FER1L6: variants seen among roughly 807,000 people sequenced by gnomAD.
The protein encoded by FER1L6 is fer-1 like family member 6.
A neutral mutation model predicts 219.2 loss-of-function variants in FER1L6; 177 were observed. The ratio of observed to expected loss-of-function variants is 0.81; its 90% confidence interval spans 0.71 to 0.91. The LOEUF (loss-of-function observed/expected upper bound fraction) is 0.91. FER1L6 is among the 40% of genes least tolerant of loss of function. FER1L6 has a pLI of 0.00. For synonymous variants in FER1L6, 768 were observed against 824.3 expected, an observed-to-expected ratio of 0.93 and a Z score of 1.17; for missense variants, 2,153 against 2,259.9, an observed-to-expected ratio of 0.95 and a Z score of 0.96.
At chr8:123,976,951 G>A (rs747849664) in intron 9 of FER1L6, among the ~76,000 whole-genome samples, 1 of 152,194 alleles carries the variant, frequency 6.6e-6, no homozygotes, top group Non-Finnish European at 1.5e-5. Context: ...TTAAAATACA[G>A]AACTACCCTG....
rs200383834 is a variant in FER1L6, at chr8:124,091,462, C to T, written c.4431C>T (p.Thr1477=). The T allele has an allele frequency of 1.0e-3, 1,682 of 1,613,996 alleles. 3 individuals carry two copies. Among genetic ancestry groups the T allele is most frequent in the Middle Eastern group, 2.3e-3 (14 of 6,062 alleles). Residue 1477 remains threonine, a synonymous_variant, in exon 34 of 41, where the codon ACC becomes ACT. Coordinates refer to ENST00000522917, the MANE Select transcript of FER1L6 (RefSeq NM_001039112.2). The part of the protein sequence containing the change: ...YNAWRDTSKP[T]EILTKLCKDN... ...CCTGGAGAGACACGTCCAAACCCACCGAAATCCTCACTAAGCTCTGCAAAG... is the reference window on the plus strand; with the variant it reads ...CCTGGAGAGACACGTCCAAACCCACTGAAATCCTCACTAAGCTCTGCAAAG...
intron 1 of FER1L6, among the ~76,000 whole-genome samples, chr8:123,936,129 TGC>T (rs1813989186): frequency 6.6e-6 from 1 of 152,138 alleles, no homozygotes; most frequent in Admixed American, 6.5e-5. Context: ...CTCGGTCAGA[TGC>T]ATGTCCCCTG....
chr8:123,917,526 T>C (rs1813224405), intron 1 of FER1L6, among the ~76,000 whole-genome samples: 1 of 152,220 alleles, frequency 6.6e-6, no homozygotes, highest in Non-Finnish European at 1.5e-5. Flanking sequence ...AACTATTTGT[T>C]GAAAGCCTCC....
chr8:123,970,232 A>C (rs1029552576), intron 6 of FER1L6, 135 bp downstream of exon 6: 1 of 772,918 alleles, frequency 1.3e-6, no homozygotes, highest in Non-Finnish European at 2.3e-6. Flanking sequence ...GAGTCTAACC[A>C]ACAGGCAGAA....
At chr8:124,071,759 C>CTA in intron 31 of FER1L6, 128 bp downstream of exon 31, 1 of 1,217,660 alleles carries the variant, frequency 8.2e-7, no homozygotes, top group Non-Finnish European at 1.1e-6. Flanking sequence ...TGCCATAAGT[C>CTA]TATAATCAAG....
intron 1 of FER1L6, among the ~76,000 whole-genome samples, chr8:123,862,836 C>A (rs1314429339): frequency 7.4e-6 from 1 of 134,324 alleles, no homozygotes; most frequent in African/African-American, 3.2e-5. Context: ...TCCCCTTTAT[C>A]ATTTTTTATT....
chr8:123,899,519 G>C (rs1812821171), intron 1 of FER1L6, among the ~76,000 whole-genome samples: 1 of 152,084 alleles, frequency 6.6e-6, no homozygotes, highest in African/African-American at 2.4e-5. Flanking sequence ...TAATTTATTA[G>C]GTCTCAGCTA....
At chr8:124,081,155 C>T (rs751999331) in intron 32 of FER1L6, among the ~76,000 whole-genome samples, 21 of 152,112 alleles carry the variant, frequency 1.4e-4, no homozygotes, top group Non-Finnish European at 2.2e-4. Flanking sequence ...CCTTCCTCCC[C>T]CTCCTCTTTG....
intron 10 of FER1L6, 92 bp from the exon 11 acceptor site, chr8:123,980,373 C>A: frequency 9.5e-7 from 1 of 1,056,396 alleles, no homozygotes; most frequent in South Asian, 1.6e-5. Context: ...TTTCTTTCGT[C>A]TTTCTTGGAT....
chr8:123,915,909 A>G (rs1337743938), intron 1 of FER1L6, among the ~76,000 whole-genome samples: 2 of 152,206 alleles, frequency 1.3e-5, no homozygotes, highest in South Asian at 4.1e-4. Context: ...GAGTAAAGAC[A>G]GGCAAGTGAG....
intron 11 of FER1L6, among the ~76,000 whole-genome samples, chr8:123,981,896 T>C (rs1816340600): frequency 6.6e-6 from 1 of 152,198 alleles, no homozygotes; most frequent in African/African-American, 2.4e-5. Context: ...AGCACATACA[T>C]AGGAAGTAGG....
intron 1 of FER1L6, among the ~76,000 whole-genome samples, chr8:123,917,657 G>A (rs534610141): frequency 6.6e-6 from 1 of 152,280 alleles, no homozygotes; most frequent in African/African-American, 2.4e-5. Context: ...AAGGTGTAAA[G>A]ACAAAAAGTA....
chr8:123,868,208 C>G (rs143739915), intron 1 of FER1L6, among the ~76,000 whole-genome samples: 1 of 152,026 alleles, frequency 6.6e-6, no homozygotes, highest in Non-Finnish European at 1.5e-5. Context: ...TTCAAACAGG[C>G]GAGTAGGCTA....
intron 12 of FER1L6, among the ~76,000 whole-genome samples, chr8:123,989,778 G>T (rs554992941): frequency 1.3e-5 from 2 of 152,180 alleles, no homozygotes; most frequent in Admixed American, 1.3e-4. Context: ...ATTCCATGGT[G>T]TGTATATACC....
intron 39 of FER1L6, among the ~76,000 whole-genome samples, chr8:124,106,680 C>T (rs1471139383): frequency 6.6e-6 from 1 of 152,090 alleles, no homozygotes; most frequent in East Asian, 1.9e-4. Flanking sequence ...AGAAGCCTTC[C>T]TGGGTATCCT....
chr8:124,092,512 G>A (rs951272018), intron 34 of FER1L6, among the ~76,000 whole-genome samples: 2 of 151,994 alleles, frequency 1.3e-5, no homozygotes. Context: ...GAACATCCTG[G>A]GACATAACAC....
At chr8:124,037,269 G>A (rs774130070) in intron 19 of FER1L6, among the ~76,000 whole-genome samples, 1 of 152,222 alleles carries the variant, frequency 6.6e-6, no homozygotes, top group African/African-American at 2.4e-5. Context: ...TTCACCGGAT[G>A]AACCATTTCC....
At chr8:124,009,072 T>G (rs1007416940) in intron 13 of FER1L6, among the ~76,000 whole-genome samples, 1 of 151,918 alleles carries the variant, frequency 6.6e-6, no homozygotes, top group African/African-American at 2.4e-5. Context: ...GTAACACTTC[T>G]ACACTGCTGT....
At position 123,903,391 on chromosome 8, in the gene FER1L6, G is replaced by A. The variant is rs560905804; in HGVS notation, c.-8+51206G>A. On this transcript the variant is annotated intron_variant, in intron 1 of 40. Coordinates refer to ENST00000522917, the MANE Select transcript of FER1L6 (RefSeq NM_001039112.2). ...AAACGTAGCATTCCTACGCATGATC[G>A]TAACATCGTTCTCAAACAGTTGTTG... Among the ~76,000 whole-genome samples the A allele has an allele frequency of 8.5e-5, 13 of 152,236 alleles. No individual in the cohort carries two copies. The East Asian group carries it at 1.2e-3, about 14-fold the overall frequency.
Sources: gnomAD v4.1 joint callset for allele counts (sites outside exome capture counted in the v4.1 genomes callset) on GRCh38, gnomAD v4.1.1 for gene constraint, MANE v1.5 for transcripts, NCBI Gene and HGNC (gene_info 2026-07-23, HGNC 2026-07-21) for gene names.